Variants in PTPRS observed in about 807,000 individuals in gnomAD.
PTPRS encodes receptor-type tyrosine-protein phosphatase S.
In PTPRS, 63 loss-of-function variants were observed where a neutral mutation model predicts 215.3. The observed-to-expected ratio is 0.29, with a 90% CI of 0.24 to 0.36. PTPRS has a LOEUF of 0.36. Ranked by LOEUF, PTPRS falls within the 10% of genes least tolerant of loss-of-function variation. The pLI is 1.00. For synonymous variants in PTPRS, 1,404 were observed against 1,191.4 expected (o/e 1.18, Z -3.68); for missense variants, 2,258 against 2,825.8 (o/e 0.80, Z 4.56).
chr19:5,320,303 G>T (rs1392113773), intron 1 of PTPRS, among the ~76,000 whole-genome samples: 2 of 151,780 alleles, frequency 1.3e-5, no homozygotes, highest in African/African-American at 4.8e-5. Flanking sequence ...GCCCCAGTGG[G>T]AGAGGGGGTA....
chr19:5,263,725 T>C lies in PTPRS; in HGVS notation c.569-753A>G, dbSNP rs188567370. Among the ~76,000 whole-genome samples the C allele has an allele frequency of 4.2e-3, 647 of 152,310 alleles. 3 individuals are homozygous for C. Among genetic ancestry groups the C allele is most frequent in the Admixed American group, 0.016 (244 of 15,308 alleles). ...CACGTGTGTCCCCACGCACGAGCACTAGGGAGGTGCAGGCTGAGAGGCGCG... is the reference window on the plus strand; with the variant it reads ...CACGTGTGTCCCCACGCACGAGCACCAGGGAGGTGCAGGCTGAGAGGCGCG... On this transcript the variant is annotated intron_variant, in intron 5 of 37. Transcript: ENST00000262963.
intron 17 of PTPRS, among the ~76,000 whole-genome samples, chr19:5,223,560 ATTTTTTT>A (rs35490567): frequency 9.7e-4 from 125 of 129,054 alleles, no homozygotes; most frequent in African/African-American, 3.6e-3. Flanking sequence ...TGCGGTTGTG[ATTTTTTT>A]TTTTTTTTTT....
chr19:5,239,256 G>A (rs549922107), intron 12 of PTPRS, among the ~76,000 whole-genome samples, 193 bp from the exon 13 acceptor site: 212 of 151,810 alleles, frequency 1.4e-3, no homozygotes, highest in Admixed American at 3.0e-3. Flanking sequence ...GTAGAGGGGA[G>A]AGAGAGGTAG....
intron 1 of PTPRS, among the ~76,000 whole-genome samples, chr19:5,289,092 A>G (rs1358568867): frequency 6.6e-6 from 1 of 152,138 alleles, no homozygotes; most frequent in African/African-American, 2.4e-5. Flanking sequence ...AGACACTACC[A>G]AAGACAAAAC....
At chr19:5,322,939 G>A (rs78860573) in intron 1 of PTPRS, among the ~76,000 whole-genome samples, 20,476 of 149,948 alleles carry the variant, frequency 0.14, 1,591 homozygotes, top group Admixed American at 0.24. Context: ...CAGACCTCAT[G>A]CATTTCAGAG....
Position 5,208,442 on chromosome 19 carries a change from G to A in PTPRS, c.5488-51C>T, listed in dbSNP as rs149095775. 10 of 1,424,086 alleles carry A rather than the reference G, an allele frequency of 7.0e-6. No homozygotes were observed. The African/African-American group carries it at 1.2e-4, about 16-fold the overall frequency. The allele number at this position is 1,424,086 out of a possible 1,614,324, so 88.2% of individuals were successfully genotyped here. A position where few individuals can be genotyped will look rare whatever the true frequency, so the allele number is the denominator to read the frequency against. The stretch of plus-strand genomic sequence containing the variant: ...TTATCAGGTCAGCAGCGGCCATGGG[G>A]GTTTTTCTCCATCCTCCCTATCTTC... On this transcript the variant is annotated intron_variant, in intron 35 of 37. Coordinates refer to ENST00000262963, the MANE Select transcript of PTPRS (RefSeq NM_002850.4).
intron 1 of PTPRS, among the ~76,000 whole-genome samples, chr19:5,308,750 C>G (rs2049587732): frequency 6.6e-6 from 1 of 152,192 alleles, no homozygotes; most frequent in African/African-American, 2.4e-5. Flanking sequence ...TCATCAGAAT[C>G]TTAAACAAAA....
chr19:5,302,041 C>T (rs1191049609), intron 1 of PTPRS, among the ~76,000 whole-genome samples: 6 of 152,004 alleles, frequency 3.9e-5, no homozygotes, highest in Non-Finnish European at 8.8e-5. Flanking sequence ...CTTGGCCCTC[C>T]GAAGTGCTAG....
intron 1 of PTPRS, among the ~76,000 whole-genome samples, chr19:5,297,507 G>A (rs958010327): frequency 2.0e-5 from 3 of 152,180 alleles, no homozygotes; most frequent in Admixed American, 1.3e-4. Context: ...CAGACTAGTT[G>A]CAGGGGGGAT....
rs545658474 is a variant in PTPRS at position 5,206,060 on chromosome 19, TAAAA to T, written c.*710_*713del. Among the ~76,000 whole-genome samples, 12 of 70,258 alleles carry T rather than the reference TAAAA, an allele frequency of 1.7e-4. No homozygotes were observed. Among genetic ancestry groups the T allele is most frequent in the African/African-American group, 4.8e-4 (9 of 18,938 alleles). The allele number at this position is 70,258 out of a possible 152,430, so 46.1% of individuals were successfully genotyped here. On this transcript the variant is annotated 3_prime_UTR_variant, in exon 38 of 38. Coordinates refer to ENST00000262963, the MANE Select transcript of PTPRS (RefSeq NM_002850.4). Reference sequence around the variant, plus strand: ...CACACTTTCTGATGGTAGGAAAAATTAAAAAAAAAAAAAAAAAAAAAAAAGCCAA... The same window carrying T: ...CACACTTTCTGATGGTAGGAAAAATTAAAAAAAAAAAAAAAAAAAAGCCAA...
chr19:5,267,301 T>C (rs1260241451), intron 4 of PTPRS, among the ~76,000 whole-genome samples: 1 of 152,118 alleles, frequency 6.6e-6, no homozygotes, highest in Admixed American at 6.5e-5. Context: ...AACATGCTTC[T>C]GGGCTGAGGT....
At chr19:5,310,327 T>C (rs1433979169) in intron 1 of PTPRS, among the ~76,000 whole-genome samples, 1 of 150,826 alleles carries the variant, frequency 6.6e-6, no homozygotes, top group East Asian at 1.9e-4. Flanking sequence ...TCTTTTTTTT[T>C]TTTTTTTTGA....
rs892529283 is a variant in PTPRS at position 5,225,962 on chromosome 19, C to T, written c.2377-118G>A. 25 of 793,430 alleles carry T rather than the reference C, an allele frequency of 3.2e-5. No homozygotes were observed. The African/African-American group carries it at 3.2e-4, about 10-fold the overall frequency. The allele number at this position is 793,430 out of a possible 1,614,324, so 49.1% of individuals were successfully genotyped here. On this transcript the variant is annotated intron_variant, in intron 16 of 37. Coordinates refer to ENST00000262963, the MANE Select transcript of PTPRS (RefSeq NM_002850.4). ...GCAGGGCCCGGATCAGGGGTGGAGA[C>T]GTGCACATGAGCTCATGCAGAGACC...
intron 7 of PTPRS, among the ~76,000 whole-genome samples, chr19:5,258,414 T>C (rs1488113504): frequency 6.6e-6 from 1 of 152,214 alleles, no homozygotes; most frequent in Non-Finnish European, 1.5e-5. Context: ...GACTGCCAAG[T>C]TGAATTACAA....
At chr19:5,260,574 C>T (rs765651442) in intron 7 of PTPRS, among the ~76,000 whole-genome samples, 5 of 152,200 alleles carry the variant, frequency 3.3e-5, no homozygotes, top group Non-Finnish European at 5.9e-5. Context: ...GGAGAGAGCG[C>T]CCCCGCCTTC....
At chr19:5,218,141 T>G (rs2041651818) in intron 25 of PTPRS, among the ~76,000 whole-genome samples, 2 of 152,084 alleles carry the variant, frequency 1.3e-5, no homozygotes, top group Non-Finnish European at 2.9e-5. Context: ...TTTTCTCCAT[T>G]TTTTAAACAT....
intron 4 of PTPRS, among the ~76,000 whole-genome samples, chr19:5,269,644 C>T (rs1198200330): frequency 1.3e-5 from 2 of 151,864 alleles, no homozygotes; most frequent in Admixed American, 1.3e-4. Flanking sequence ...GGTGTGGGCT[C>T]GGCACGGTGG....
intron 17 of PTPRS, among the ~76,000 whole-genome samples, chr19:5,223,560 ATTT>A (rs35490567): frequency 0.44 from 56,992 of 128,892 alleles, 13,548 homozygotes; most frequent in East Asian, 0.65. Context: ...TGCGGTTGTG[ATTT>A]TTTTTTTTTT....
intron 2 of PTPRS, chr19:5,278,043 T>C: frequency 8.4e-7 from 1 of 1,187,502 alleles, no homozygotes; most frequent in Non-Finnish European, 1.2e-6. Flanking sequence ...CAGTGTTTCC[T>C]CCAAGAAACG....
Sources: gnomAD v4.1 joint callset for allele counts (sites outside exome capture counted in the v4.1 genomes callset) on GRCh38, gnomAD v4.1.1 for gene constraint, MANE v1.5 for transcripts, NCBI Gene and HGNC (gene_info 2026-07-23, HGNC 2026-07-21) for gene names.